Variants in LHFPL3 observed in about 807,000 individuals in gnomAD.
LHFPL3 encodes LHFPL tetraspan subfamily member 3.
Under a neutral mutation model 19.3 loss-of-function variants are expected in LHFPL3, and 5 were observed. That is an observed-to-expected ratio of 0.26 (90% confidence interval 0.14 to 0.54). The LOEUF is 0.54. Among genes scored for constraint, LHFPL3 ranks in the 20% least tolerant of loss-of-function variants. LHFPL3 has a pLI of 0.94. For synonymous variants in LHFPL3, 133 were observed against 126.2 expected (o/e 1.05, Z -0.36); for missense variants, 249 against 307.4 (o/e 0.81, Z 1.42).
chr7:104,870,064 G>A (rs1303450922), intron 2 of LHFPL3, among the ~76,000 whole-genome samples: 1 of 151,918 alleles, frequency 6.6e-6, no homozygotes, highest in African/African-American at 2.4e-5. Flanking sequence ...ACACAGGAAG[G>A]GGAACATCAC....
At chr7:104,870,775 C>T (rs1791819784) in intron 2 of LHFPL3, among the ~76,000 whole-genome samples, 1 of 152,138 alleles carries the variant, frequency 6.6e-6, no homozygotes, top group Non-Finnish European at 1.5e-5. Context: ...CAGATCCAAA[C>T]ATGCTGGAAT....
intron 2 of LHFPL3, among the ~76,000 whole-genome samples, chr7:104,905,731 A>T (rs985297434): frequency 2.6e-5 from 4 of 152,242 alleles, no homozygotes; most frequent in African/African-American, 9.6e-5. Flanking sequence ...GAAATATAGG[A>T]AGAAAACAGT....
intron 1 of LHFPL3, among the ~76,000 whole-genome samples, chr7:104,396,368 A>G (rs991866858): frequency 6.6e-6 from 1 of 152,194 alleles, no homozygotes; most frequent in African/African-American, 2.4e-5. Flanking sequence ...CACAAGAGAC[A>G]TGAAAGCCCA....
At chr7:104,701,844 AC>A (rs1399691551) in intron 1 of LHFPL3, among the ~76,000 whole-genome samples, 1 of 146,870 alleles carries the variant, frequency 6.8e-6, no homozygotes, top group Non-Finnish European at 1.5e-5. Flanking sequence ...ATTTCTAGGA[AC>A]CCTTTTTTGT....
intron 1 of LHFPL3, among the ~76,000 whole-genome samples, chr7:104,410,435 T>C (rs769945247): frequency 3.9e-5 from 6 of 152,190 alleles, no homozygotes; most frequent in Non-Finnish European, 7.3e-5. Flanking sequence ...ACCCGGCCTG[T>C]ATGTCTGTTT....
chr7:104,816,832 G>A (rs917734317), intron 2 of LHFPL3, among the ~76,000 whole-genome samples: 8 of 152,098 alleles, frequency 5.3e-5, no homozygotes, highest in Non-Finnish European at 8.8e-5. Context: ...TCCTAGCCTC[G>A]GGCTGCTTTA....
At chr7:104,680,676 G>A (rs1225098920) in intron 1 of LHFPL3, among the ~76,000 whole-genome samples, 3 of 152,162 alleles carry the variant, frequency 2.0e-5, no homozygotes, top group Admixed American at 6.6e-5. Context: ...ACAGGAAAGA[G>A]TATTTAGATT....
Position 104,861,782 on chromosome 7 carries a change from G to T in LHFPL3, c.683-44405G>T, listed in dbSNP as rs371209390. ...CACTTGGAGAACCTGGGGAAGAGGG[G>T]AGAGATGCCTTCCCTTTTAGAAGAT... On this transcript the variant is annotated intron_variant, in intron 2 of 2. Transcript: ENST00000424859. Among the ~76,000 whole-genome samples the T allele has an allele frequency of 3.3e-4, 49 of 150,600 alleles. 1 individual carries two copies. In the East Asian group the frequency reaches 4.3e-3, roughly 13 times the overall value.
intron 1 of LHFPL3, among the ~76,000 whole-genome samples, chr7:104,332,162 C>T (rs1324179004): frequency 6.6e-6 from 1 of 150,794 alleles, no homozygotes; most frequent in Non-Finnish European, 1.5e-5. Context: ...GTTATCTAAG[C>T]CTTTTTAATA....
chr7:104,518,794 AGAT>A (rs1666603042), intron 1 of LHFPL3, among the ~76,000 whole-genome samples: 1 of 134,898 alleles, frequency 7.4e-6, no homozygotes, highest in Non-Finnish European at 1.6e-5. Context: ...AAAAATAAAT[AGAT>A]GATAGATAGA....
intron 2 of LHFPL3, among the ~76,000 whole-genome samples, chr7:104,749,523 T>C (rs1229168382): frequency 6.6e-6 from 1 of 152,266 alleles, no homozygotes; most frequent in Non-Finnish European, 1.5e-5. Flanking sequence ...GCCAGAGGGA[T>C]GGTAAAAAAG....
At chr7:104,858,883 T>C (rs1320910973) in intron 2 of LHFPL3, among the ~76,000 whole-genome samples, 2 of 151,972 alleles carry the variant, frequency 1.3e-5, no homozygotes, top group Admixed American at 1.3e-4. Context: ...CCTATAACAG[T>C]GCAGGACCAC....
chr7:104,385,331 C>T (rs1343638033), intron 1 of LHFPL3, among the ~76,000 whole-genome samples: 1 of 152,198 alleles, frequency 6.6e-6, no homozygotes, highest in African/African-American at 2.4e-5. Context: ...CTTGGCAATA[C>T]AATTATTATG....
intron 1 of LHFPL3, among the ~76,000 whole-genome samples, chr7:104,425,919 G>T (rs1791835301): frequency 6.6e-6 from 1 of 152,096 alleles, no homozygotes; most frequent in Non-Finnish European, 1.5e-5. Flanking sequence ...CCCCTATATT[G>T]AGCTAGTACT....
At chr7:104,601,524 G>A (rs944523845) in intron 1 of LHFPL3, among the ~76,000 whole-genome samples, 1 of 152,194 alleles carries the variant, frequency 6.6e-6, no homozygotes, top group Admixed American at 6.5e-5. Context: ...TGATGAGACA[G>A]ATATAGGGGA....
chr7:104,551,596 T>C (rs1444115498), intron 1 of LHFPL3, among the ~76,000 whole-genome samples: 1 of 152,128 alleles, frequency 6.6e-6, no homozygotes, highest in Non-Finnish European at 1.5e-5. Flanking sequence ...CTTCACTATA[T>C]TATTTATTAT....
At chr7:104,723,428 G>T (rs1378721011) in intron 1 of LHFPL3, among the ~76,000 whole-genome samples, 3 of 152,014 alleles carry the variant, frequency 2.0e-5, no homozygotes, top group African/African-American at 7.2e-5. Context: ...TAGCATTCAA[G>T]AATGTTCTCT....
At chr7:104,343,235 C>G (rs75988762) in intron 1 of LHFPL3, among the ~76,000 whole-genome samples, 7,954 of 151,844 alleles carry the variant, frequency 0.052, 342 homozygotes, top group African/African-American at 0.12. Context: ...AAGCCAAAGG[C>G]TGGGTGTGGT....
intron 1 of LHFPL3, among the ~76,000 whole-genome samples, chr7:104,540,873 C>G (rs1794472946): frequency 6.6e-6 from 1 of 152,174 alleles, no homozygotes; most frequent in Admixed American, 6.5e-5. Context: ...TCCATCCCCA[C>G]TTCCACTACT....
Sources: gnomAD v4.1 joint callset for allele counts (sites outside exome capture counted in the v4.1 genomes callset) on GRCh38, gnomAD v4.1.1 for gene constraint, MANE v1.5 for transcripts, NCBI Gene and HGNC (gene_info 2026-07-23, HGNC 2026-07-21) for gene names.